Variants in TMC1 observed in about 807,000 individuals in gnomAD.
TMC1 encodes the protein transmembrane channel like 1.
A neutral mutation model predicts 105.8 loss-of-function variants in TMC1; 84 were observed. The observed-to-expected ratio is 0.79, with a 90% CI of 0.67 to 0.95. TMC1 has a LOEUF of 0.95. TMC1 is among the 40% of genes least tolerant of loss of function. The pLI, the probability that TMC1 is intolerant of heterozygous loss-of-function variation, is 0.00. For missense variants in TMC1, 817 were observed against 914.1 expected (o/e 0.89, Z 1.37); for synonymous variants, 315 against 311.5 (o/e 1.01, Z -0.12).
intron 5 of TMC1, among the ~76,000 whole-genome samples, chr9:72,659,123 C>T (rs1473694754): frequency 6.6e-6 from 1 of 152,154 alleles, no homozygotes; most frequent in Non-Finnish European, 1.5e-5. Context: ...GGTCTCCAAG[C>T]CTCAGTTCCT....
chr9:72,749,337 T>C (rs1827541830), intron 10 of TMC1, among the ~76,000 whole-genome samples: 3 of 152,204 alleles, frequency 2.0e-5, no homozygotes, highest in Admixed American at 2.0e-4. Context: ...AAAACTTACA[T>C]TGATACCTAG....
At position 72,809,958 on chromosome 9, in the gene TMC1, T is replaced by TGA. The variant is rs35770251; in HGVS notation, c.1695+4461_1695+4462dup. ...GTGTGTGTGTGTTTGTGTGTGTGTG[T>TGA]GAGAGAGAGAGAGACAGGCGTGCAT... On this transcript the variant is annotated intron_variant, in intron 18 of 23. Coordinates refer to ENST00000297784, the MANE Select transcript of TMC1 (RefSeq NM_138691.3). 2.4e-4 allele frequency among the ~76,000 whole-genome samples: 36 copies of TGA among 150,742 alleles called. 1 individual carries two copies. Among genetic ancestry groups the TGA allele is most frequent in the African/African-American group, 7.8e-4 (32 of 41,106 alleles).
At chr9:72,583,994 G>A (rs1007853837) in intron 2 of TMC1, among the ~76,000 whole-genome samples, 21 of 152,166 alleles carry the variant, frequency 1.4e-4, no homozygotes, top group Non-Finnish European at 3.1e-4. Context: ...GGTTTACCAC[G>A]TGCCAGACAA....
At chr9:72,773,738 A>G (rs1317083737) in intron 13 of TMC1, among the ~76,000 whole-genome samples, 1 of 152,068 alleles carries the variant, frequency 6.6e-6, no homozygotes, top group African/African-American at 2.4e-5. Flanking sequence ...TTGCTCCTTT[A>G]GTTTCTGTGG....
At chr9:72,741,056 A>G (rs1827380297) in intron 9 of TMC1, 1 of 154,050 alleles carries the variant, frequency 6.5e-6, no homozygotes, top group Non-Finnish European at 1.4e-5. Flanking sequence ...GTGACAATGT[A>G]TTTACCCATT....
intron 4 of TMC1, among the ~76,000 whole-genome samples, chr9:72,647,382 TATA>T (rs1373294221): frequency 1.3e-5 from 2 of 152,102 alleles, no homozygotes; most frequent in Non-Finnish European, 2.9e-5. Flanking sequence ...TGGTTTTTGT[TATA>T]ATAGTATTTA....
intron 4 of TMC1, among the ~76,000 whole-genome samples, chr9:72,629,019 G>A (rs1385375270): frequency 6.6e-6 from 1 of 152,030 alleles, no homozygotes; most frequent in Non-Finnish European, 1.5e-5. Flanking sequence ...GCAATAACTA[G>A]AAAAATGTCT....
intron 2 of TMC1, among the ~76,000 whole-genome samples, chr9:72,584,428 G>T (rs1240701894): frequency 1.3e-5 from 2 of 151,988 alleles, no homozygotes; most frequent in Non-Finnish European, 2.9e-5. Context: ...ACCATACCCA[G>T]ATAATTTCTT....
At chr9:72,584,113 A>G (rs1824513971) in intron 2 of TMC1, among the ~76,000 whole-genome samples, 1 of 152,218 alleles carries the variant, frequency 6.6e-6, no homozygotes, top group South Asian at 2.1e-4. Flanking sequence ...ATAGGTATTC[A>G]ATTGCAACAA....
At chr9:72,723,965 C>T (rs1341039) in intron 8 of TMC1, among the ~76,000 whole-genome samples, 34,639 of 152,026 alleles carry the variant, frequency 0.23, 4,275 homozygotes, top group East Asian at 0.39. Flanking sequence ...TCATAACTGC[C>T]TCAAAATCTC....
At chr9:72,539,758 T>C (rs1490153213) in intron 1 of TMC1, among the ~76,000 whole-genome samples, 1 of 152,228 alleles carries the variant, frequency 6.6e-6, no homozygotes, top group Non-Finnish European at 1.5e-5. Flanking sequence ...CATTTTCAGT[T>C]GTCTTTACAG....
chr9:72,659,501 G>C (rs983753162), intron 5 of TMC1, among the ~76,000 whole-genome samples: 1 of 152,152 alleles, frequency 6.6e-6, no homozygotes, highest in Non-Finnish European at 1.5e-5. Flanking sequence ...AGGTGTGGTG[G>C]CATGTGCCTG....
intron 10 of TMC1, among the ~76,000 whole-genome samples, chr9:72,747,218 C>T (rs1827504057): frequency 6.6e-6 from 1 of 152,198 alleles, no homozygotes; most frequent in Admixed American, 6.5e-5. Context: ...CCTAAGGATT[C>T]TAGAAAATAC....
intron 2 of TMC1, among the ~76,000 whole-genome samples, chr9:72,613,912 C>A (rs1164080991): frequency 6.6e-6 from 1 of 151,976 alleles, no homozygotes; most frequent in Non-Finnish European, 1.5e-5. Context: ...GGCAGTGTGG[C>A]CATGAGCTAG....
At chr9:72,687,045 C>G (rs1333886175) in intron 5 of TMC1, among the ~76,000 whole-genome samples, 2 of 152,096 alleles carry the variant, frequency 1.3e-5, no homozygotes, top group Admixed American at 6.5e-5. Context: ...TTATTCTGCT[C>G]TTTTTATTTA....
Position 72,837,593 on chromosome 9 carries a change from A to C in TMC1, c.*1620A>C, listed in dbSNP as rs1489646221. On this transcript the variant is annotated 3_prime_UTR_variant, in exon 24 of 24. Transcript: ENST00000297784. ...GGGGCCTTAATTTATAGATATGTTT[A>C]AGCATTATTATGGATTTACAGTTTG... 6.6e-6 allele frequency: 1 copy of C among 152,198 alleles called. No individual in the cohort carries two copies. Among genetic ancestry groups the C allele is most frequent in the Non-Finnish European group, 1.5e-5 (1 of 68,044 alleles). 9.4% of individuals were successfully genotyped at this position (152,198 alleles called of 1,614,324 possible). A position where few individuals can be genotyped will look rare whatever the true frequency, so the allele number is the denominator to read the frequency against.
chr9:72,740,864 C>T (rs1215767562), intron 9 of TMC1, among the ~76,000 whole-genome samples: 2 of 151,964 alleles, frequency 1.3e-5, no homozygotes. Flanking sequence ...TATATATATA[C>T]TCACATACAA....
intron 5 of TMC1, among the ~76,000 whole-genome samples, chr9:72,660,581 A>G (rs1034098310): frequency 6.6e-6 from 1 of 152,216 alleles, no homozygotes; most frequent in Non-Finnish European, 1.5e-5. Flanking sequence ...AAGATTTTGC[A>G]TATAGATACA....
intron 1 of TMC1, among the ~76,000 whole-genome samples, chr9:72,559,942 C>A (rs952285551): frequency 7.2e-5 from 11 of 152,170 alleles, no homozygotes; most frequent in African/African-American, 2.7e-4. Flanking sequence ...TAGGAGGAAA[C>A]TGTTATTTTG....
Sources: gnomAD v4.1 joint callset for allele counts (sites outside exome capture counted in the v4.1 genomes callset) on GRCh38, gnomAD v4.1.1 for gene constraint, MANE v1.5 for transcripts, NCBI Gene and HGNC (gene_info 2026-07-23, HGNC 2026-07-21) for gene names.